Variants in TMCC1 observed in about 807,000 individuals in gnomAD.
The protein encoded by TMCC1 is transmembrane and coiled-coil domains protein 1.
A neutral mutation model predicts 52.4 loss-of-function variants in TMCC1; 15 were observed. That is an observed-to-expected ratio of 0.29 (90% CI 0.19 to 0.44). The LOEUF (loss-of-function observed/expected upper bound fraction) is 0.44. Ranked by LOEUF, TMCC1 falls within the 20% of genes least tolerant of loss-of-function variation. The pLI, the probability that TMCC1 is intolerant of heterozygous loss-of-function variation, is 1.00. For missense variants in TMCC1, 503 were observed against 806.0 expected (o/e 0.62, Z 4.55); for synonymous variants, 279 against 301.9 (o/e 0.92, Z 0.79).
At chr3:129,662,189 G>A (rs1422713688) in intron 5 of TMCC1, among the ~76,000 whole-genome samples, 3 of 152,106 alleles carry the variant, frequency 2.0e-5, no homozygotes, top group African/African-American at 7.2e-5. Context: ...GAGATGGTGG[G>A]TGGGTGGGAG....
At chr3:129,665,610 A>G (rs1452168860) in intron 5 of TMCC1, among the ~76,000 whole-genome samples, 1 of 152,212 alleles carries the variant, frequency 6.6e-6, no homozygotes, top group African/African-American at 2.4e-5. Flanking sequence ...TCAACTTGGG[A>G]TAGGCCTAAT....
chr3:129,842,107 A>T (rs898086190), intron 2 of TMCC1, among the ~76,000 whole-genome samples: 1 of 152,234 alleles, frequency 6.6e-6, no homozygotes, highest in Non-Finnish European at 1.5e-5. Context: ...ATGACAGAAA[A>T]TAAAGACAAA....
chr3:129,834,497 CAA>C (rs1429001165), intron 2 of TMCC1, among the ~76,000 whole-genome samples: 2 of 151,950 alleles, frequency 1.3e-5, no homozygotes, highest in African/African-American at 4.8e-5. Context: ...ACCTAAAGGC[CAA>C]AACAGGTCTA....
chr3:129,729,204 T>C (rs1296118814), intron 4 of TMCC1, among the ~76,000 whole-genome samples: 3 of 152,202 alleles, frequency 2.0e-5, no homozygotes, highest in African/African-American at 4.8e-5. Context: ...AGAGTTCCAA[T>C]TGTTCTCTGC....
At chr3:129,756,908 G>A (rs894503014) in intron 4 of TMCC1, among the ~76,000 whole-genome samples, 3 of 152,138 alleles carry the variant, frequency 2.0e-5, no homozygotes, top group Non-Finnish European at 4.4e-5. Context: ...GTTGTGTATG[G>A]TACTATAGGA....
intron 2 of TMCC1, among the ~76,000 whole-genome samples, chr3:129,834,232 G>A (rs2059052348): frequency 6.6e-6 from 1 of 152,132 alleles, no homozygotes; most frequent in Non-Finnish European, 1.5e-5. Flanking sequence ...CGGCCAGCAG[G>A]CAGTAATCAC....
intron 2 of TMCC1, among the ~76,000 whole-genome samples, chr3:129,866,441 G>A (rs2060655008): frequency 6.9e-6 from 1 of 143,904 alleles, no homozygotes; most frequent in Non-Finnish European, 1.5e-5. Context: ...GCAATGGCTC[G>A]ATCTCAGCTC....
intron 4 of TMCC1, among the ~76,000 whole-genome samples, chr3:129,824,859 A>G (rs1281376091): frequency 6.6e-6 from 1 of 152,190 alleles, no homozygotes; most frequent in African/African-American, 2.4e-5. Context: ...ATATTTTCTG[A>G]TTCTCCCAAG....
At chr3:129,853,901 T>A (rs1232674029) in intron 2 of TMCC1, among the ~76,000 whole-genome samples, 1 of 152,132 alleles carries the variant, frequency 6.6e-6, no homozygotes, top group Non-Finnish European at 1.5e-5. Context: ...CCACTTCATA[T>A]TCTACCCATC....
rs114101445 is a variant in TMCC1 at position 129,741,469 on chromosome 3, A to G, written c.577-70205T>C. ...CCTCAGTAAAGGCAAGCTACCATTC[A>G]GAAGGCCATGATTTATTCAAGGTCA... On this transcript the variant is annotated intron_variant, in intron 4 of 6. Transcript: ENST00000393238. Among the ~76,000 whole-genome samples, 424 of 152,306 alleles carry G rather than the reference A, an allele frequency of 2.8e-3. 3 individuals carry two copies. The highest frequency in any genetic ancestry group is 9.6e-3 in the African/African-American group (398 of 41,566).
chr3:129,760,294 C>T (rs920594570), intron 4 of TMCC1, among the ~76,000 whole-genome samples: 1 of 152,134 alleles, frequency 6.6e-6, no homozygotes, highest in Non-Finnish European at 1.5e-5. Flanking sequence ...ACCGCAGCCT[C>T]GAGCTTCTGG....
intron 1 of TMCC1, among the ~76,000 whole-genome samples, chr3:129,884,954 C>T (rs776884748): frequency 2.6e-5 from 4 of 151,806 alleles, no homozygotes; most frequent in Non-Finnish European, 5.9e-5. Context: ...GCCTGGGCAA[C>T]ATGGTGAAAC....
chr3:129,864,475 T>A (rs2060532762), intron 2 of TMCC1, among the ~76,000 whole-genome samples: 1 of 152,184 alleles, frequency 6.6e-6, no homozygotes, highest in Non-Finnish European at 1.5e-5. Context: ...ACAGCATCAG[T>A]CTTTTAATAA....
chr3:129,695,971 A>C (rs1032454910), intron 4 of TMCC1, among the ~76,000 whole-genome samples: 1 of 152,170 alleles, frequency 6.6e-6, no homozygotes, highest in Non-Finnish European at 1.5e-5. Context: ...AAAGAAGAAA[A>C]TCAAAATATT....
intron 4 of TMCC1, among the ~76,000 whole-genome samples, chr3:129,719,400 C>T (rs1371204889): frequency 6.6e-6 from 1 of 152,144 alleles, no homozygotes; most frequent in African/African-American, 2.4e-5. Context: ...TTATAATAGG[C>T]CAGTATACAC....
At chr3:129,691,889 T>C (rs1416051380) in intron 4 of TMCC1, among the ~76,000 whole-genome samples, 2 of 152,210 alleles carry the variant, frequency 1.3e-5, no homozygotes, top group Non-Finnish European at 2.9e-5. Context: ...TCGGATCTCA[T>C]TCGTTTTACA....
At chr3:129,798,479 T>G (rs1269609512) in intron 4 of TMCC1, among the ~76,000 whole-genome samples, 4 of 116,702 alleles carry the variant, frequency 3.4e-5, no homozygotes, top group African/African-American at 1.4e-4. Flanking sequence ...CTGATTGATA[T>G]AAGCAACTAG....
intron 4 of TMCC1, among the ~76,000 whole-genome samples, chr3:129,824,411 A>G (rs2107825358): frequency 6.6e-6 from 1 of 152,240 alleles, no homozygotes; most frequent in East Asian, 1.9e-4. Context: ...TTGCATAACA[A>G]ATTTACCAAG....
At chr3:129,848,172 A>G (rs938939728) in intron 2 of TMCC1, among the ~76,000 whole-genome samples, 1 of 152,198 alleles carries the variant, frequency 6.6e-6, no homozygotes, top group African/African-American at 2.4e-5. Flanking sequence ...ATGAAATCCA[A>G]TTTAGCGATT....
Sources: gnomAD v4.1 joint callset for allele counts (sites outside exome capture counted in the v4.1 genomes callset) on GRCh38, gnomAD v4.1.1 for gene constraint, MANE v1.5 for transcripts, NCBI Gene and HGNC (gene_info 2026-07-23, HGNC 2026-07-21) for gene names.